Variants in AGTPBP1 observed in about 807,000 individuals in gnomAD.
AGTPBP1 encodes the protein cytosolic carboxypeptidase 1.
A neutral mutation model predicts 143.9 loss-of-function variants in AGTPBP1; 70 were observed. That is an observed-to-expected ratio of 0.49 (90% CI 0.40 to 0.59). AGTPBP1 has a LOEUF of 0.59. Among genes scored for constraint, AGTPBP1 ranks in the 20% least tolerant of loss-of-function variants. The pLI is 0.00. For missense variants in AGTPBP1, 1,229 were observed against 1,464.5 expected (o/e 0.84, Z 2.62); for synonymous variants, 463 against 500.2 (o/e 0.93, Z 0.99).
At chr9:85,660,609 A>G (rs921783301) in intron 9 of AGTPBP1, among the ~76,000 whole-genome samples, 3 of 152,148 alleles carry the variant, frequency 2.0e-5, no homozygotes, top group African/African-American at 7.2e-5. Flanking sequence ...GTTCAATACC[A>G]TGTTAGCTTT....
chr9:85,791,264 C>T, the AGTPBP1 span, among the ~76,000 whole-genome samples: 1 of 151,964 alleles, frequency 6.6e-6, no homozygotes, highest in East Asian at 1.9e-4. Flanking sequence ...GTCCCAGCTA[C>T]TCGGGAGGCT....
intron 17 of AGTPBP1, among the ~76,000 whole-genome samples, chr9:85,610,281 T>C (rs1389582070): frequency 6.6e-6 from 1 of 151,820 alleles, no homozygotes; most frequent in East Asian, 1.9e-4. Flanking sequence ...GGTGGTAATT[T>C]CAGCAAATCC....
intron 7 of AGTPBP1, among the ~76,000 whole-genome samples, chr9:85,670,256 G>T (rs1834401090): frequency 6.6e-6 from 1 of 152,036 alleles, no homozygotes; most frequent in Non-Finnish European, 1.5e-5. Context: ...AGGAAGATGA[G>T]GTAGAAAAAG....
chr9:85,756,671 T>G, the AGTPBP1 span, among the ~76,000 whole-genome samples: 1 of 152,158 alleles, frequency 6.6e-6, no homozygotes, highest in Admixed American at 6.5e-5. Context: ...GTAACAGTAT[T>G]CATAGTAGCT....
chr9:85,622,903 A>C (rs1831031488), intron 14 of AGTPBP1, among the ~76,000 whole-genome samples: 1 of 152,236 alleles, frequency 6.6e-6, no homozygotes, highest in South Asian at 2.1e-4. Context: ...TCTATTTGTC[A>C]GAATAATTTA....
intron 25 of AGTPBP1, among the ~76,000 whole-genome samples, chr9:85,561,194 T>G (rs1303535982): frequency 6.6e-6 from 1 of 151,960 alleles, no homozygotes; most frequent in Non-Finnish European, 1.5e-5. Context: ...AAACCCCGTT[T>G]CTATTAAAAA....
intron 2 of AGTPBP1, among the ~76,000 whole-genome samples, chr9:85,699,337 T>A (rs1836496127): frequency 6.6e-6 from 1 of 152,140 alleles, no homozygotes; most frequent in African/African-American, 2.4e-5. Context: ...ATTGTATTGG[T>A]CTCATGCTGC....
rs942981780 is a variant in AGTPBP1 at position 85,642,838 on chromosome 9, C to T, written c.1291G>A (p.Asp431Asn). 3 of 1,605,030 alleles carry T rather than the reference C, an allele frequency of 1.9e-6. No individual in the cohort carries two copies. The highest frequency in any genetic ancestry group is 2.5e-6 in the Non-Finnish European group (3 of 1,177,142). Residue 431 changes from aspartate (D) to asparagine (N), a missense_variant, in exon 13 of 26, where the codon GAT becomes AAT. Coordinates refer to ENST00000357081, the MANE Select transcript of AGTPBP1 (RefSeq NM_001330701.2). ...MYEHLFPELV[D>N]DFQDYDLISK... is the part of the protein sequence containing the mutation. ...TTCTATATTTATACCTGAAAATCAT[C>T]AACAAGCTCAGGGAAAAGGTGTTCA...
the AGTPBP1 span, among the ~76,000 whole-genome samples, chr9:85,761,583 G>A: frequency 2.0e-5 from 3 of 152,208 alleles, no homozygotes; most frequent in Admixed American, 6.6e-5. Flanking sequence ...GTAGAAAGCT[G>A]AAACTGGATC....
At chr9:85,591,231 G>T (rs1219357571) in intron 19 of AGTPBP1, among the ~76,000 whole-genome samples, 1 of 151,692 alleles carries the variant, frequency 6.6e-6, no homozygotes, top group African/African-American at 2.4e-5. Context: ...GTGAATCACG[G>T]TAAGAATTTT....
At chr9:85,565,000 A>G (rs535911011) in intron 25 of AGTPBP1, among the ~76,000 whole-genome samples, 3 of 152,298 alleles carry the variant, frequency 2.0e-5, no homozygotes, top group South Asian at 2.1e-4. Context: ...AAGGCCACCT[A>G]TGAGGAAGCA....
chr9:85,632,739 C>T lies in AGTPBP1; in HGVS notation c.1938G>A (p.Val646=). The T allele has an allele frequency of 2.5e-6, 4 of 1,614,086 alleles. No individual in the cohort carries two copies. The highest frequency in any genetic ancestry group is 3.4e-6 in the Non-Finnish European group (4 of 1,180,000). The change falls in exon 14 of 26, where the codon GTG becomes GTA. Residue 646 remains valine (V), a synonymous_variant. Coordinates refer to ENST00000357081, the MANE Select transcript of AGTPBP1 (RefSeq NM_001330701.2). ...NTKSVPEYSE[V]AYPDYFGHIP... ...TGTGACCAAAATAATCGGGATAAGC[C>T]ACCTCTGAATATTCTGGGACAGACT...
At chr9:85,786,057 T>G in the AGTPBP1 span, 1 of 1,348,912 alleles carries the variant, frequency 7.4e-7, no homozygotes, top group African/African-American at 1.5e-5. Flanking sequence ...CACCTAATTT[T>G]GAGGAAATAA....
intron 25 of AGTPBP1, among the ~76,000 whole-genome samples, chr9:85,563,738 A>G (rs1826893877): frequency 6.6e-6 from 1 of 152,200 alleles, no homozygotes; most frequent in Admixed American, 6.5e-5. Context: ...ATTGTCCAAG[A>G]CAAGAAAAGA....
intron 14 of AGTPBP1, 21 bp downstream of exon 14, chr9:85,632,641 G>C (rs763829544): frequency 6.5e-7 from 1 of 1,544,560 alleles, no homozygotes; most frequent in Non-Finnish European, 8.7e-7. Context: ...ATTTAGAAGA[G>C]GGAAGAAATA....
At chr9:85,762,697 C>CATATG in the AGTPBP1 span, among the ~76,000 whole-genome samples, 1 of 151,066 alleles carries the variant, frequency 6.6e-6, no homozygotes, top group Non-Finnish European at 1.5e-5. Flanking sequence ...GTGCAGCACA[C>CATATG]CAACATGGCA....
intron 1 of AGTPBP1, among the ~76,000 whole-genome samples, chr9:85,714,478 T>C (rs1465257203): frequency 1.3e-5 from 2 of 152,232 alleles, no homozygotes; most frequent in African/African-American, 2.4e-5. Context: ...TGCCCTTCTA[T>C]GCAGTCATGT....
chr9:85,578,772 C>T (rs1828052962), intron 24 of AGTPBP1, 148 bp downstream of exon 24: 3 of 785,788 alleles, frequency 3.8e-6, no homozygotes, highest in Non-Finnish European at 3.8e-6. Context: ...AAAACCTATT[C>T]TTAAGACTGC....
chr9:85,791,657 A>C, the AGTPBP1 span: 1 of 152,186 alleles, frequency 6.6e-6, no homozygotes, highest in Admixed American at 6.5e-5. Context: ...ACTGAAACTT[A>C]AATTCAACCT....
Sources: allele counts gnomAD v4.1 joint callset (sites outside exome capture counted in the v4.1 genomes callset), GRCh38; gene constraint gnomAD v4.1.1; transcripts MANE v1.5; gene names NCBI Gene and HGNC (gene_info 2026-07-23, HGNC 2026-07-21).